The following CACNA2D3 variants were observed in gnomAD, a reference collection of about 807,000 sequenced individuals.
The protein encoded by CACNA2D3 is calcium voltage-gated channel auxiliary subunit alpha2delta 3.
Under a neutral mutation model 160.6 loss-of-function variants are expected in CACNA2D3, and 60 were observed. That is an observed-to-expected ratio of 0.37 (90% CI 0.30 to 0.46). The LOEUF is 0.46. CACNA2D3 is among the 20% of genes least tolerant of loss of function. The pLI is 1.00. For missense variants in CACNA2D3, 1,205 were observed against 1,365.0 expected, an observed-to-expected ratio of 0.88 and a Z score of 1.85; for synonymous variants, 558 against 492.9, an observed-to-expected ratio of 1.13 and a Z score of -1.75.
chr3:54,817,644 C>T (rs1703486772), intron 14 of CACNA2D3, among the ~76,000 whole-genome samples: 1 of 152,152 alleles, frequency 6.6e-6, no homozygotes, highest in Non-Finnish European at 1.5e-5. Flanking sequence ...GGTAGGGCAC[C>T]CCCCTGAAAT....
chr3:54,678,751 T>TAAAAAAAAAAAAA (rs1700289718), intron 11 of CACNA2D3, among the ~76,000 whole-genome samples: 1 of 75,686 alleles, frequency 1.3e-5, no homozygotes, highest in Admixed American at 1.5e-4. Flanking sequence ...AAAAAAAAAG[T>TAAAAAAAAAAAAA]TGATGATCAA....
rs767838008 is a variant in CACNA2D3 at position 54,569,824 on chromosome 3, G to C, written c.706G>C (p.Val236Leu). Reference sequence around the variant, plus strand: ...TAAATGGGAACCAGATGAGAATGGAGTCATTGCCTTCGACTGCAGGAACCG... The same window carrying C: ...TAAATGGGAACCAGATGAGAATGGACTCATTGCCTTCGACTGCAGGAACCG... ...GIKWEPDENG[V>L]IAFDCRNRKW... The change falls in exon 7 of 38, where the codon GTC (valine) becomes CTC (leucine). Residue 236 changes from valine to leucine, a missense_variant. Transcript: ENST00000474759. 1 of 1,606,128 alleles carries C rather than the reference G, an allele frequency of 6.2e-7. No individual in the cohort carries two copies.
chr3:54,731,727 C>T (rs1480842476), intron 11 of CACNA2D3, among the ~76,000 whole-genome samples: 5 of 151,976 alleles, frequency 3.3e-5, no homozygotes, highest in African/African-American at 9.7e-5. Context: ...TGGTTCTTAG[C>T]GGCACCCAGG....
At chr3:54,226,360 G>C (rs1476851698) in intron 2 of CACNA2D3, among the ~76,000 whole-genome samples, 1 of 141,494 alleles carries the variant, frequency 7.1e-6, no homozygotes, top group African/African-American at 2.7e-5. Flanking sequence ...ACCCAGGCTG[G>C]AATGCAGTGG....
intron 2 of CACNA2D3, among the ~76,000 whole-genome samples, chr3:54,187,688 G>A (rs779901026): frequency 3.7e-4 from 57 of 152,180 alleles, no homozygotes; most frequent in Non-Finnish European, 1.9e-4. Context: ...AAGGGGTACA[G>A]GGATGGTTTC....
At chr3:54,321,319 CA>C (rs11288559) in intron 3 of CACNA2D3, among the ~76,000 whole-genome samples, 95,888 of 140,560 alleles carry the variant, frequency 0.68, 31,875 homozygotes, top group Non-Finnish European at 0.73. Context: ...GACTCCGGCT[CA>C]AAAAAAAAAA....
At chr3:54,514,966 C>T (rs963102758) in intron 5 of CACNA2D3, among the ~76,000 whole-genome samples, 3 of 152,128 alleles carry the variant, frequency 2.0e-5, no homozygotes, top group Admixed American at 6.5e-5. Context: ...AAAAGAAAGC[C>T]GTTCAATCTG....
intron 4 of CACNA2D3, among the ~76,000 whole-genome samples, chr3:54,462,786 A>G (rs1700532066): frequency 6.6e-6 from 1 of 151,636 alleles, no homozygotes; most frequent in Non-Finnish European, 1.5e-5. Context: ...TTTAAAGTTA[A>G]TATTGTTGTG....
chr3:54,776,242 A>G (rs542722437), intron 13 of CACNA2D3, among the ~76,000 whole-genome samples: 2 of 152,200 alleles, frequency 1.3e-5, no homozygotes, highest in South Asian at 2.1e-4. Flanking sequence ...GGCTGCCTGC[A>G]GTGGCTTATA....
In CACNA2D3 at chr3:54,982,878, T is replaced by C. The variant is rs568619470; in HGVS notation, c.2557-1730T>C. Among the ~76,000 whole-genome samples the C allele has an allele frequency of 1.6e-4, 24 of 152,214 alleles. No homozygotes were observed. The East Asian group carries it at 3.5e-3, about 22-fold the overall frequency. ...GACCAGAGGTCACACTCATCGCCACTTTGGTTTTGGTGGGTTTTAGCCGGC... is the reference window on the plus strand; with the variant it reads ...GACCAGAGGTCACACTCATCGCCACCTTGGTTTTGGTGGGTTTTAGCCGGC... On this transcript the variant is annotated intron_variant, in intron 29 of 37. Transcript: ENST00000474759.
At chr3:54,416,624 C>G (rs1156831277) in intron 4 of CACNA2D3, among the ~76,000 whole-genome samples, 1 of 152,122 alleles carries the variant, frequency 6.6e-6, no homozygotes, top group African/African-American at 2.4e-5. Flanking sequence ...ATAGGAGATT[C>G]AATTATTGCC....
intron 5 of CACNA2D3, among the ~76,000 whole-genome samples, chr3:54,525,306 A>G (rs1307285196): frequency 6.6e-6 from 1 of 152,134 alleles, no homozygotes; most frequent in Admixed American, 6.5e-5. Flanking sequence ...AGACCCAACC[A>G]TACATTGCAT....
At chr3:54,920,486 A>G (rs974732441) in intron 27 of CACNA2D3, among the ~76,000 whole-genome samples, 1 of 152,190 alleles carries the variant, frequency 6.6e-6, no homozygotes, top group Non-Finnish European at 1.5e-5. Flanking sequence ...TAAAGCAGAA[A>G]GATAAAAGGG....
intron 4 of CACNA2D3, among the ~76,000 whole-genome samples, chr3:54,409,140 C>A (rs1192896274): frequency 6.6e-6 from 1 of 152,152 alleles, no homozygotes; most frequent in Non-Finnish European, 1.5e-5. Flanking sequence ...TTATAGCAAC[C>A]CTGAGTTGAA....
intron 27 of CACNA2D3, among the ~76,000 whole-genome samples, chr3:54,954,049 G>A (rs1245789714): frequency 6.6e-6 from 1 of 152,180 alleles, no homozygotes; most frequent in Non-Finnish European, 1.5e-5. Flanking sequence ...CATTATCCTA[G>A]TAGGCAAGAA....
At chr3:54,390,711 G>T (rs1699264462) in intron 4 of CACNA2D3, among the ~76,000 whole-genome samples, 1 of 152,196 alleles carries the variant, frequency 6.6e-6, no homozygotes, top group African/African-American at 2.4e-5. Flanking sequence ...TGAAGCTACT[G>T]AAGCTTCTAT....
At chr3:54,717,759 A>T (rs1283078074) in intron 11 of CACNA2D3, among the ~76,000 whole-genome samples, 2 of 76,294 alleles carry the variant, frequency 2.6e-5, no homozygotes, top group African/African-American at 1.0e-4. Flanking sequence ...GGTGTGTGCA[A>T]GCGTGTGTGT....
intron 2 of CACNA2D3, among the ~76,000 whole-genome samples, chr3:54,206,948 G>C (rs1199762536): frequency 6.6e-6 from 1 of 152,214 alleles, no homozygotes; most frequent in Non-Finnish European, 1.5e-5. Context: ...CCTCTCATCT[G>C]TAGGCTCCAT....
In CACNA2D3 at chr3:54,603,058, A is replaced by G. The variant is rs539854435; in HGVS notation, c.963+21181A>G. On this transcript the variant is annotated intron_variant, in intron 9 of 37. Coordinates refer to ENST00000474759, the MANE Select transcript of CACNA2D3 (RefSeq NM_018398.3). Reference sequence around the variant, plus strand: ...TGGTCCCTCTCTGTTCGGTGTCACTATCAACAAATGTGTGGAAAGAAGAAA... The same window carrying G: ...TGGTCCCTCTCTGTTCGGTGTCACTGTCAACAAATGTGTGGAAAGAAGAAA... Among the ~76,000 whole-genome samples, 33 of 152,306 alleles carry G rather than the reference A, an allele frequency of 2.2e-4. 1 individual carries two copies. Among genetic ancestry groups the G allele is most frequent in the Admixed American group, 2.0e-3 (30 of 15,300 alleles).
Sources: allele counts gnomAD v4.1 joint callset (sites outside exome capture counted in the v4.1 genomes callset), GRCh38; gene constraint gnomAD v4.1.1; transcripts MANE v1.5; gene names NCBI Gene and HGNC (gene_info 2026-07-23, HGNC 2026-07-21).